EVC: variants seen among roughly 807,000 people sequenced by gnomAD.
EVC encodes evC complex member EVC.
Under a neutral mutation model 118.9 loss-of-function variants are expected in EVC, and 116 were observed. The ratio of observed to expected loss-of-function variants is 0.98; its 90% CI spans 0.84 to 1.14. The LOEUF is 1.14. EVC is among the 50% of genes most tolerant of loss of function. The pLI is 0.00. For missense variants in EVC, 1,401 were observed against 1,246.4 expected (o/e 1.12, Z -1.87); for synonymous variants, 619 against 534.7 (o/e 1.16, Z -2.18).
At position 5,729,389 on chromosome 4, in the gene EVC, G is replaced by A. The variant is rs773647675; in HGVS notation, c.383G>A (p.Arg128Gln). 3.1e-6 allele frequency: 5 copies of A among 1,613,784 alleles called. No individual in the cohort carries two copies. Among genetic ancestry groups the A allele is most frequent in the Non-Finnish European group, 4.2e-6 (5 of 1,179,884 alleles). Residue 128 changes from arginine to glutamine, a missense_variant and splice_region_variant, in exon 3 of 21, where the codon CGG (arginine) becomes CAG (glutamine). Coordinates refer to ENST00000264956, the MANE Select transcript of EVC (RefSeq NM_153717.3). Reference protein sequence around the residue: ...KVIYPINQKFRPLADGSSNPS... With the variant: ...KVIYPINQKFQPLADGSSNPS... Reference sequence around the variant, plus strand: ...ATCTACCCCATCAATCAGAAGTTCCGGGTGAGAGTCCTGAGCTCCATCATA... The same window carrying A: ...ATCTACCCCATCAATCAGAAGTTCCAGGTGAGAGTCCTGAGCTCCATCATA...
intron 11 of EVC, among the ~76,000 whole-genome samples, chr4:5,772,090 G>T (rs1362157428): frequency 6.6e-6 from 1 of 151,924 alleles, no homozygotes; most frequent in African/African-American, 2.4e-5. Context: ...TAGAGACAAG[G>T]TTTCACCGTG....
At chr4:5,825,986 C>T in the EVC span, 2 of 378,902 alleles carry the variant, frequency 5.3e-6, no homozygotes, top group South Asian at 5.9e-5. The surrounding 1 kb of genome is among the most constrained non-coding windows in gnomAD (Gnocchi z 4.4). Flanking sequence ...CAGGCCTACA[C>T]AGTAGCATAC....
intron 3 of EVC, among the ~76,000 whole-genome samples, chr4:5,730,501 C>A (rs953653407): frequency 6.6e-6 from 1 of 152,098 alleles, no homozygotes; most frequent in African/African-American, 2.4e-5. Flanking sequence ...GGATGAAGGG[C>A]ATTTCTCCAT....
chr4:5,719,192 A>G lies in EVC; in HGVS notation c.175-56A>G, dbSNP rs1026517208. The G allele has an allele frequency of 2.5e-6, 4 of 1,612,738 alleles. No homozygotes were observed. In the Admixed American group the frequency reaches 5.0e-5, roughly 20 times the overall value. On this transcript the variant is annotated intron_variant, in intron 1 of 20. Transcript: ENST00000264956. The surrounding 1 kb of genome is among the most constrained non-coding windows in gnomAD (Gnocchi z 4.7). ...AAAAGTCACGGTGGGGACCAGGCCG[A>G]CTGACCTCAATGTTGTGTTTCTATC...
At chr4:5,751,895 G>C (rs1286461431) in intron 8 of EVC, among the ~76,000 whole-genome samples, 2 of 152,216 alleles carry the variant, frequency 1.3e-5, no homozygotes, top group Non-Finnish European at 2.9e-5. Context: ...GACCAGGCAG[G>C]TGTGCAGGAC....
At chr4:5,793,775 C>A in intron 13 of EVC, 58 bp downstream of exon 13, 1 of 1,304,176 alleles carries the variant, frequency 7.7e-7, no homozygotes, top group Non-Finnish European at 1.1e-6. Flanking sequence ...CTCCCTCCAG[C>A]CTCAGTGTCC....
intron 11 of EVC, among the ~76,000 whole-genome samples, chr4:5,780,809 C>G (rs1482919872): frequency 6.6e-6 from 1 of 152,174 alleles, no homozygotes; most frequent in Non-Finnish European, 1.5e-5. Flanking sequence ...TAGTTGTACC[C>G]ATGGCTAAGA....
intron 16 of EVC, among the ~76,000 whole-genome samples, chr4:5,804,097 C>A (rs6840434): frequency 0.011 from 1,662 of 152,262 alleles, 34 homozygotes; most frequent in African/African-American, 0.038. Flanking sequence ...GTCACTGCGC[C>A]TGGCTCATTT....
intron 2 of EVC, among the ~76,000 whole-genome samples, chr4:5,723,343 C>A (rs1725280602): frequency 6.6e-6 from 1 of 152,086 alleles, no homozygotes; most frequent in African/African-American, 2.4e-5. Flanking sequence ...GCATGCGCCA[C>A]CACACCCAGC....
At chr4:5,712,482 C>T (rs1242778366) in intron 1 of EVC, among the ~76,000 whole-genome samples, 2 of 152,150 alleles carry the variant, frequency 1.3e-5, no homozygotes, top group Non-Finnish European at 2.9e-5. Context: ...GCAGGCATTC[C>T]ATGAATAGTG....
Position 5,748,154 on chromosome 4 carries a change from G to A in EVC, c.946G>A (p.Ala316Thr). The change falls in exon 8 of 21, where the codon GCT becomes ACT. Residue 316 changes from alanine to threonine, a missense_variant. Coordinates refer to ENST00000264956, the MANE Select transcript of EVC (RefSeq NM_153717.3). Reference protein sequence around the residue: ...YSEQLIDNMEAFWKQMANIQH... With the variant: ...YSEQLIDNMETFWKQMANIQH... ...GCTTGTGCTCATTTCACAGATGGAA[G>A]CTTTCTGGAAACAGATGGCAAATAT... 1 of 1,614,192 alleles carries A rather than the reference G, an allele frequency of 6.2e-7. No individual in the cohort carries two copies. Among genetic ancestry groups the A allele is most frequent in the Non-Finnish European group, 8.5e-7 (1 of 1,180,036 alleles).
At chr4:5,758,980 A>C (rs1731596866) in intron 11 of EVC, among the ~76,000 whole-genome samples, 1 of 152,026 alleles carries the variant, frequency 6.6e-6, no homozygotes, top group Admixed American at 6.5e-5. Flanking sequence ...GACAGCCTTG[A>C]CTTACCGGGG....
At chr4:5,775,066 A>G (rs889622859) in intron 11 of EVC, among the ~76,000 whole-genome samples, 30 of 152,076 alleles carry the variant, frequency 2.0e-4, no homozygotes, top group African/African-American at 7.3e-4. Flanking sequence ...AATCCCGCAT[A>G]TTTTTGTGAT....
At position 5,731,106 on chromosome 4, in the gene EVC, G is replaced by C. The variant is rs1379236002; in HGVS notation, c.385-319G>C. ...CAGGGCAAGCGGTGGCTATGGAGGA[G>C]GTAGGTCAGAGTTGGCAGCTGGGAG... On this transcript the variant is annotated intron_variant, in intron 3 of 20. Transcript: ENST00000264956. This position sits in a 1 kb window ranked among gnomAD's most constrained non-coding sequence, Gnocchi z 5.6. Among the ~76,000 whole-genome samples the C allele has an allele frequency of 6.6e-6, 1 of 152,166 alleles. No homozygotes were observed. The highest frequency in any genetic ancestry group is 3.4e-3 in the Middle Eastern group (1 of 294).
intron 8 of EVC, 197 bp from the exon 9 acceptor site, chr4:5,752,639 A>G (rs1021294784): frequency 4.5e-6 from 3 of 665,538 alleles, no homozygotes; most frequent in African/African-American, 1.8e-5. Flanking sequence ...ACCCTAGGAG[A>G]GACACTTAAT....
chr4:5,741,350 C>T (rs188837018), intron 5 of EVC, among the ~76,000 whole-genome samples: 88 of 152,316 alleles, frequency 5.8e-4, no homozygotes, highest in Middle Eastern at 3.4e-3. Context: ...ACAACTATCC[C>T]GCTGATTCTT....
rs550100258 is a variant in EVC at position 5,781,634 on chromosome 4, C to A, written c.1564-1918C>A. The stretch of plus-strand genomic sequence containing the variant: ...GGCAGATCATTTGAGCTCAGGAGTT[C>A]GAGAGCAGCTTGAGCAACACAGCAA... On this transcript the variant is annotated intron_variant, in intron 11 of 20. Transcript: ENST00000264956. Among the ~76,000 whole-genome samples the A allele has an allele frequency of 2.0e-5, 3 of 151,984 alleles. 1 individual carries two copies. In the South Asian group the frequency reaches 6.2e-4, roughly 32 times the overall value.
At chr4:5,828,259 AC>A in the EVC span, 1 of 984,996 alleles carries the variant, frequency 1.0e-6, no homozygotes, top group Non-Finnish European at 1.2e-6. Context: ...ACGGGTGCAC[AC>A]CCCTCTACAG....
intron 11 of EVC, among the ~76,000 whole-genome samples, chr4:5,780,801 G>A (rs550166699): frequency 6.6e-6 from 1 of 152,330 alleles, no homozygotes; most frequent in South Asian, 2.1e-4. Context: ...TCAGCCTATA[G>A]TTGTACCCAT....
Sources: allele counts gnomAD v4.1 joint callset (sites outside exome capture counted in the v4.1 genomes callset), GRCh38; gene constraint gnomAD v4.1.1; non-coding constraint Gnocchi (gnomAD v3.1); transcripts MANE v1.5; gene names NCBI Gene and HGNC (gene_info 2026-07-23, HGNC 2026-07-21).